Variants in PCDHGA8 observed in about 807,000 individuals in gnomAD.
PCDHGA8 encodes the protein protocadherin gamma-A8.
PCDHGA8 carries 45 observed loss-of-function variants against 59.2 expected under a neutral mutation model. That is an observed-to-expected ratio of 0.76 (90% CI 0.60 to 0.98). The LOEUF is 0.98. Ranked by LOEUF, PCDHGA8 falls within the 50% of genes least tolerant of loss-of-function variation. The probability of loss-of-function intolerance (pLI) is 0.00; values close to 1 mark genes in which losing one functional copy is unlikely to be tolerated. For missense variants in PCDHGA8, 1,257 were observed against 1,196.2 expected, an observed-to-expected ratio of 1.05 and a Z score of -0.75; for synonymous variants, 531 against 519.0, an observed-to-expected ratio of 1.02 and a Z score of -0.32.
intron 2 of PCDHGA8, among the ~76,000 whole-genome samples, chr5:141,496,103 C>T (rs779317844): frequency 2.0e-5 from 3 of 152,218 alleles, no homozygotes; most frequent in South Asian, 2.1e-4. Flanking sequence ...ACCAACACCC[C>T]GCTCTCTTCC....
chr5:141,503,268 C>A (rs1038268807), intron 2 of PCDHGA8, among the ~76,000 whole-genome samples: 6 of 152,068 alleles, frequency 3.9e-5, no homozygotes, highest in African/African-American at 7.2e-5. Context: ...AACCCCAGCA[C>A]CTGGCTCTGT....
chr5:141,454,865 TG>T (rs2098805228), intron 1 of PCDHGA8, among the ~76,000 whole-genome samples: 1 of 135,344 alleles, frequency 7.4e-6, no homozygotes, highest in Non-Finnish European at 1.5e-5. Flanking sequence ...TGGAGTGCAG[TG>T]GCACGATCTT....
intron 1 of PCDHGA8, among the ~76,000 whole-genome samples, chr5:141,450,313 T>G (rs2098676929): frequency 6.6e-6 from 1 of 152,172 alleles, no homozygotes; most frequent in Middle Eastern, 3.4e-3. Context: ...ATGTGTGGCC[T>G]AGTTGCCATG....
At chr5:141,504,743 G>A (rs924744762) in intron 2 of PCDHGA8, among the ~76,000 whole-genome samples, 5 of 151,982 alleles carry the variant, frequency 3.3e-5, no homozygotes, top group African/African-American at 9.7e-5. Context: ...GGAAGCCATT[G>A]AATTTTAGAA....
intron 1 of PCDHGA8, among the ~76,000 whole-genome samples, chr5:141,449,331 G>T (rs1054980032): frequency 3.3e-5 from 5 of 151,950 alleles, no homozygotes; most frequent in Admixed American, 3.3e-4. Flanking sequence ...TGTAGGCCAG[G>T]TGCAGTGGCT....
intron 1 of PCDHGA8, among the ~76,000 whole-genome samples, chr5:141,488,238 C>G (rs374846692): frequency 6.6e-6 from 1 of 152,154 alleles, no homozygotes; most frequent in African/African-American, 2.4e-5. Context: ...GAACTAGATG[C>G]GGTAAATTGG....
rs902790467 is a variant in PCDHGA8 at position 141,395,519 on chromosome 5, C to A, written c.2424+282C>A. 1.5e-5 allele frequency: 6 copies of A among 409,366 alleles called. 1 individual carries two copies. The highest frequency in any genetic ancestry group is 1.3e-4 in the African/African-American group (6 of 47,696). The allele number at this position is 409,366 out of a possible 1,614,324, so 25.4% of individuals were successfully genotyped here. On this transcript the variant is annotated intron_variant, in intron 1 of 3. Transcript: ENST00000398604. ...TTCACTTAAGAAGTAGCTACCCGTC[C>A]ATACTGGTAATTTTGCTATTGTTTG...
rs2099425622 is a variant in PCDHGA8, at chr5:141,477,947, T to C, written c.2425-16860T>C. Reference sequence around the variant, plus strand: ...CAATGCCTGGCTCTCCTACAGTCTCTTGGGATCCCCTAACCAGAGCCTTTT... The same window carrying C: ...CAATGCCTGGCTCTCCTACAGTCTCCTGGGATCCCCTAACCAGAGCCTTTT... On this transcript the variant is annotated intron_variant, in intron 1 of 3. Coordinates refer to ENST00000398604, the MANE Select transcript of PCDHGA8 (RefSeq NM_032088.2). The surrounding 1 kb of genome is among the most constrained non-coding windows in gnomAD (Gnocchi z 4.9). 1.9e-6 allele frequency: 3 copies of C among 1,614,132 alleles called. No homozygotes were observed. Among genetic ancestry groups the C allele is most frequent in the Non-Finnish European group, 2.5e-6 (3 of 1,180,018 alleles).
intron 1 of PCDHGA8, among the ~76,000 whole-genome samples, chr5:141,397,814 C>G (rs1325713795): frequency 6.6e-6 from 1 of 152,200 alleles, no homozygotes; most frequent in Non-Finnish European, 1.5e-5. Flanking sequence ...CACACAAAAA[C>G]AATTACTGCA....
At chr5:141,419,124 T>A in intron 1 of PCDHGA8, 1 of 1,613,798 alleles carries the variant, frequency 6.2e-7, no homozygotes, top group Non-Finnish European at 8.5e-7. Context: ...AACGTCACCA[T>A]CGCAGCCACA....
intron 1 of PCDHGA8, chr5:141,400,680 G>A (rs1452030965): frequency 1.4e-5 from 12 of 883,960 alleles, no homozygotes; most frequent in Admixed American, 5.5e-5. Context: ...GCAGTAAATT[G>A]TGAGTTTTTA....
chr5:141,483,648 T>TTGTGTGTGTGTG (rs111458813), intron 1 of PCDHGA8, among the ~76,000 whole-genome samples: 51 of 149,708 alleles, frequency 3.4e-4, no homozygotes, highest in African/African-American at 1.2e-3. Context: ...GGGTGTGTGT[T>TTGTGTGTGTGTG]TGTGTGTGTG....
chr5:141,422,479 A>G, intron 1 of PCDHGA8: 1 of 1,613,890 alleles, frequency 6.2e-7, no homozygotes, highest in Non-Finnish European at 8.5e-7. Flanking sequence ...GTTGGTCCAG[A>G]GCTACAATAT....
At chr5:141,455,330 G>T (rs2098819667) in intron 1 of PCDHGA8, among the ~76,000 whole-genome samples, 1 of 152,042 alleles carries the variant, frequency 6.6e-6, no homozygotes, top group South Asian at 2.1e-4. Context: ...GTGTGTTTGT[G>T]GTTTTAAGGA....
Position 141,490,350 on chromosome 5 carries a change from G to T in PCDHGA8, c.2425-4457G>T. On this transcript the variant is annotated intron_variant, in intron 1 of 3. Transcript: ENST00000398604. This position sits in a 1 kb window ranked among gnomAD's most constrained non-coding sequence, Gnocchi z 5.4. Reference sequence around the variant, plus strand: ...GCACACCAGTGGGCACAGTAGTGGGGTTGTTTAATGTGCGAGACCGGGACT... The same window carrying T: ...GCACACCAGTGGGCACAGTAGTGGGTTTGTTTAATGTGCGAGACCGGGACT... 2 of 1,614,204 alleles carry T rather than the reference G, an allele frequency of 1.2e-6. No homozygotes were observed. The highest frequency in any genetic ancestry group is 1.7e-6 in the Non-Finnish European group (2 of 1,180,034).
chr5:141,401,841 CACTT>C (rs1043132396), intron 1 of PCDHGA8, among the ~76,000 whole-genome samples: 6 of 152,114 alleles, frequency 3.9e-5, no homozygotes, highest in Non-Finnish European at 8.8e-5. Flanking sequence ...CTTATAATAC[CACTT>C]ACTTTTAACC....
chr5:141,481,880 C>CTCCA (rs1483509373), intron 1 of PCDHGA8, among the ~76,000 whole-genome samples: 1 of 145,300 alleles, frequency 6.9e-6, no homozygotes, highest in Non-Finnish European at 1.5e-5. Context: ...CGCCACTGCA[C>CTCCA]TCCAGCCTGG....
intron 1 of PCDHGA8, chr5:141,409,039 C>G: frequency 1.9e-6 from 3 of 1,614,004 alleles, no homozygotes; most frequent in Non-Finnish European, 1.7e-6. Flanking sequence ...AGATAAACTA[C>G]TACTTCCGAA....
rs768812729 is a variant in PCDHGA8, at chr5:141,491,543, A to T, written c.2425-3264A>T. 2.5e-6 allele frequency: 4 copies of T among 1,613,842 alleles called. No individual in the cohort carries two copies. The highest frequency in any genetic ancestry group is 3.4e-6 in the Non-Finnish European group (4 of 1,179,982). The stretch of plus-strand genomic sequence containing the variant: ...ATGGAGGTGACGCTGCGGCCCACAG[A>T]CTCGCAGAGCCACTGCTACAGGACG... On this transcript the variant is annotated intron_variant, in intron 1 of 3. Transcript: ENST00000398604. This position sits in a 1 kb window ranked among gnomAD's most constrained non-coding sequence, Gnocchi z 6.9.
Sources: gnomAD v4.1 joint callset for allele counts (sites outside exome capture counted in the v4.1 genomes callset) on GRCh38, gnomAD v4.1.1 for gene constraint, Gnocchi (gnomAD v3.1) non-coding constraint, MANE v1.5 for transcripts, NCBI Gene and HGNC (gene_info 2026-07-23, HGNC 2026-07-21) for gene names.